ABCA1: variants seen among roughly 807,000 people sequenced by gnomAD.
ABCA1 encodes the protein ATP binding cassette subfamily A member 1.
In ABCA1, 133 loss-of-function variants were observed where a neutral mutation model predicts 262.5. The observed-to-expected ratio is 0.51, with a 90% CI of 0.44 to 0.59. The LOEUF (loss-of-function observed/expected upper bound fraction) is 0.59, where lower values mean the gene tolerates loss of function less well. Ranked by LOEUF, ABCA1 falls within the 20% of genes least tolerant of loss-of-function variation. ABCA1 has a pLI of 0.00. For synonymous variants in ABCA1, 1,022 were observed against 1,043.5 expected (o/e 0.98, Z 0.40); for missense variants, 2,452 against 2,777.5 (o/e 0.88, Z 2.63).
intron 8 of ABCA1, among the ~76,000 whole-genome samples, chr9:104,841,713 AGAGGGT>A (rs1441387093): frequency 6.6e-6 from 1 of 152,158 alleles, no homozygotes; most frequent in Non-Finnish European, 1.5e-5. Context: ...ATGCCACACA[AGAGGGT>A]GCCCTGCATA....
Position 104,872,329 on chromosome 9 carries a change from T to C in ABCA1, c.422-10529A>G, listed in dbSNP as rs988857776. On this transcript the variant is annotated intron_variant, in intron 5 of 49. Transcript: ENST00000374736. ...TTGGTTCTTTCCACTATATCAGCAA[T>C]TTAATGAGATGTTTTAAAAATGCTT... 2.6e-5 allele frequency among the ~76,000 whole-genome samples: 4 copies of C among 152,194 alleles called. No homozygotes were observed. The South Asian group carries it at 8.3e-4, about 31-fold the overall frequency.
chr9:104,890,545 T>A (rs906131001), intron 2 of ABCA1, among the ~76,000 whole-genome samples: 1 of 151,672 alleles, frequency 6.6e-6, no homozygotes, highest in Non-Finnish European at 1.5e-5. Context: ...TGTGCCACTG[T>A]ACTCCAGCTG....
chr9:104,821,191 C>T (rs1018715771), intron 20 of ABCA1, among the ~76,000 whole-genome samples, 184 bp downstream of exon 20: 2 of 152,012 alleles, frequency 1.3e-5, no homozygotes, highest in South Asian at 2.1e-4. Context: ...TGCAGTGAGC[C>T]GAGATCGCGC....
chr9:104,896,106 A>T (rs1026553286), intron 2 of ABCA1, among the ~76,000 whole-genome samples: 2 of 152,242 alleles, frequency 1.3e-5, no homozygotes, highest in Admixed American at 6.5e-5. Context: ...GCATGGTCGT[A>T]AATCTAAGAG....
rs1000828107 is a variant in ABCA1, at chr9:104,783,220, G to A, written c.*1095C>T. 3.9e-5 allele frequency: 6 copies of A among 152,164 alleles called. No homozygotes were observed. The highest frequency in any genetic ancestry group is 7.3e-5 in the Non-Finnish European group (5 of 68,034). 9.4% of individuals were successfully genotyped at this position (152,164 alleles called of 1,614,324 possible). On this transcript the variant is annotated 3_prime_UTR_variant, in exon 50 of 50. Coordinates refer to ENST00000374736, the MANE Select transcript of ABCA1 (RefSeq NM_005502.4). ...TCTATACCACAGGGTTCTACAAAGA[G>A]GCCATTCTAAGGATTCAGAAGTCAC...
intron 30 of ABCA1, among the ~76,000 whole-genome samples, chr9:104,807,828 AAT>A (rs1374328101): frequency 3.4e-5 from 4 of 117,802 alleles, no homozygotes; most frequent in Admixed American, 1.0e-4. Flanking sequence ...AAAATAAATA[AAT>A]AAAATATATA....
rs760659158 is a variant in ABCA1 at position 104,799,809 on chromosome 9, C to A, written c.4943+10G>T. On this transcript the variant is annotated intron_variant, in intron 36 of 49. Coordinates refer to ENST00000374736, the MANE Select transcript of ABCA1 (RefSeq NM_005502.4). ...CCCCACTCCATCTATACAGACACAG[C>A]CACACTTACAGAGCCACCTCTGAGA... The A allele has an allele frequency of 1.2e-5, 19 of 1,614,172 alleles. No individual in the cohort carries two copies. In the South Asian group the frequency reaches 1.8e-4, roughly 15 times the overall value.
In ABCA1 at chr9:104,781,586, G is replaced by A. The variant is rs1257052605; in HGVS notation, c.*2729C>T. On this transcript the variant is annotated 3_prime_UTR_variant, in exon 50 of 50. Transcript: ENST00000374736. ...AATGAATGATGTGCAACATTTAATAGTCACAAAGCATTTGCTTTCAGTACA... is the reference window on the plus strand; with the variant it reads ...AATGAATGATGTGCAACATTTAATAATCACAAAGCATTTGCTTTCAGTACA... 6.6e-6 allele frequency: 1 copy of A among 152,596 alleles called. No homozygotes were observed. The highest frequency in any genetic ancestry group is 1.5e-5 in the Non-Finnish European group (1 of 68,014). 9.5% of individuals were successfully genotyped at this position (152,596 alleles called of 1,614,324 possible).
intron 7 of ABCA1, 146 bp from the exon 8 acceptor site, chr9:104,845,715 ATTATTTCTAACTGTAAGT>A (rs1362344594): frequency 1.6e-6 from 1 of 642,992 alleles, no homozygotes; most frequent in African/African-American, 1.8e-5. Context: ...AGACACTACA[ATTATTTCTAACTGTAAGT>A]TTGCATTTTG....
At chr9:104,887,296 T>A (rs1839265713) in intron 3 of ABCA1, among the ~76,000 whole-genome samples, 1 of 149,418 alleles carries the variant, frequency 6.7e-6, no homozygotes, top group Non-Finnish European at 1.5e-5. Context: ...AACAAAGAAG[T>A]GCATAGATGT....
At chr9:104,804,565 A>T in intron 32 of ABCA1, 61 bp downstream of exon 32, 3 of 1,279,094 alleles carry the variant, frequency 2.3e-6, no homozygotes, top group Non-Finnish European at 2.3e-6. Flanking sequence ...TGTTATTTGT[A>T]GGTCTTTAAT....
chr9:104,797,021 C>T (rs1829957947), intron 37 of ABCA1, among the ~76,000 whole-genome samples: 1 of 152,186 alleles, frequency 6.6e-6, no homozygotes, highest in South Asian at 2.1e-4. Flanking sequence ...GCTTGTCAGC[C>T]GCTAGAAGAA....
chr9:104,796,847 C>T (rs1829939884), intron 37 of ABCA1, among the ~76,000 whole-genome samples: 2 of 152,198 alleles, frequency 1.3e-5, no homozygotes, highest in Admixed American at 1.3e-4. Context: ...GGTAACTGCT[C>T]ATAACATGAA....
intron 3 of ABCA1, among the ~76,000 whole-genome samples, chr9:104,888,058 G>GGT (rs10693809): frequency 0.05 from 6,984 of 140,294 alleles, 255 homozygotes; most frequent in African/African-American, 0.13. Context: ...TTTCTTGAGG[G>GGT]GTGTGTGTGT....
At chr9:104,837,918 A>G (rs1207069334) in intron 9 of ABCA1, among the ~76,000 whole-genome samples, 1 of 152,146 alleles carries the variant, frequency 6.6e-6, no homozygotes, top group Non-Finnish European at 1.5e-5. Flanking sequence ...CCAGATTCAC[A>G]CTCTCATGCC....
At chr9:104,813,561 G>A (rs1831467073) in intron 27 of ABCA1, among the ~76,000 whole-genome samples, 1 of 152,142 alleles carries the variant, frequency 6.6e-6, no homozygotes, top group Non-Finnish European at 1.5e-5. Flanking sequence ...TGACAGGCAT[G>A]TGCCACCACA....
intron 34 of ABCA1, 63 bp downstream of exon 34, chr9:104,801,991 T>C: frequency 6.9e-7 from 1 of 1,457,068 alleles, no homozygotes; most frequent in East Asian, 2.3e-5. Flanking sequence ...ACCTGCCAAC[T>C]ACTCCTATAT....
chr9:104,886,874 C>T (rs896797107), intron 3 of ABCA1, among the ~76,000 whole-genome samples: 3 of 152,226 alleles, frequency 2.0e-5, no homozygotes, highest in African/African-American at 7.2e-5. Context: ...CAAACCAGTC[C>T]TTTGTTCCTA....
At chr9:104,862,198 G>C (rs1020986387) in intron 5 of ABCA1, among the ~76,000 whole-genome samples, 1 of 151,974 alleles carries the variant, frequency 6.6e-6, no homozygotes, top group Non-Finnish European at 1.5e-5. Flanking sequence ...CCGCCTCCCG[G>C]GTTCAAGAGA....
Sources: gnomAD v4.1 joint callset for allele counts (sites outside exome capture counted in the v4.1 genomes callset) on GRCh38, gnomAD v4.1.1 for gene constraint, MANE v1.5 for transcripts, NCBI Gene and HGNC (gene_info 2026-07-23, HGNC 2026-07-21) for gene names.